The following ADAMTSL1 variants were observed in gnomAD, a reference collection of about 807,000 sequenced individuals.
The protein encoded by ADAMTSL1 is ADAMTS-like protein 1.
ADAMTSL1 carries 126 observed loss-of-function variants against 201.8 expected under a neutral mutation model. That is an observed-to-expected ratio of 0.62 (90% CI 0.54 to 0.72). The LOEUF is 0.72. Among genes scored for constraint, ADAMTSL1 ranks in the 30% least tolerant of loss-of-function variants. ADAMTSL1 has a pLI of 0.00. For missense variants in ADAMTSL1, 2,679 were observed against 2,277.8 expected (o/e 1.18, Z -3.59); for synonymous variants, 1,121 against 903.4 (o/e 1.24, Z -4.32).
At chr9:18,308,843 G>T (rs138628034) in intron 2 of ADAMTSL1, among the ~76,000 whole-genome samples, 2 of 152,032 alleles carry the variant, frequency 1.3e-5, no homozygotes, top group African/African-American at 4.8e-5. Context: ...TTATGAGGCC[G>T]GCATCATCCT....
chr9:18,073,912 C>T (rs1039255905), intron 1 of ADAMTSL1, among the ~76,000 whole-genome samples: 5 of 151,968 alleles, frequency 3.3e-5, no homozygotes, highest in African/African-American at 1.2e-4. Context: ...CTATTTTAGG[C>T]TAATTTGCTA....
At chr9:17,993,836 T>A (rs555251669) in intron 1 of ADAMTSL1, among the ~76,000 whole-genome samples, 3 of 152,266 alleles carry the variant, frequency 2.0e-5, no homozygotes, top group African/African-American at 7.2e-5. Flanking sequence ...TATACATCCA[T>A]CTCTTGTGGG....
At chr9:18,561,599 T>C (rs1286359305) in intron 3 of ADAMTSL1, among the ~76,000 whole-genome samples, 1 of 152,126 alleles carries the variant, frequency 6.6e-6, no homozygotes, top group Non-Finnish European at 1.5e-5. Flanking sequence ...TTTTCTGTCT[T>C]GTTGATCTGT....
rs1826001222 is a variant in ADAMTSL1 at position 18,132,693 on chromosome 9, C to G, written c.88-31169C>G. On this transcript the variant is annotated intron_variant, in intron 1 of 29. Coordinates refer to the ADAMTSL1 transcript ENST00000680146. ...GTATGTTACTTTGAGCTTTATCTTT[C>G]CATTGTACCCTTTTTCCCCCCTTTC... is the stretch of plus-strand genomic sequence containing the variant. Among the ~76,000 whole-genome samples the G allele has an allele frequency of 2.0e-5, 3 of 152,226 alleles. No individual in the cohort carries two copies. The South Asian group carries it at 6.2e-4, about 32-fold the overall frequency.
At position 18,673,359 on chromosome 9, in the gene ADAMTSL1, G is replaced by A. The variant is rs189660885; in HGVS notation, c.1086-2498G>A. ...CAGAGAGAGCTGAGCCTATGTACACGAATATGTATTAGCAGGACTGGACAG... is the reference window on the plus strand; with the variant it reads ...CAGAGAGAGCTGAGCCTATGTACACAAATATGTATTAGCAGGACTGGACAG... On this transcript the variant is annotated intron_variant, in intron 9 of 28. Transcript: ENST00000380548. Among the ~76,000 whole-genome samples the A allele has an allele frequency of 7.2e-4, 109 of 152,334 alleles. 1 individual carries two copies. In the East Asian group the frequency reaches 0.018, roughly 25 times the overall value.
At position 18,193,030 on chromosome 9, in the gene ADAMTSL1, A is replaced by G. The variant is rs150768805; in HGVS notation, c.207+29049A>G. Among the ~76,000 whole-genome samples the G allele has an allele frequency of 1.4e-4, 22 of 152,286 alleles. No individual in the cohort carries two copies. In the East Asian group the frequency reaches 3.9e-3, roughly 27 times the overall value. Reference sequence around the variant, plus strand: ...TCAAAAAAAATGTGCTGAAGACATTAAGAGTGTGATGAGTGACCATGGAGT... The same window carrying G: ...TCAAAAAAAATGTGCTGAAGACATTGAGAGTGTGATGAGTGACCATGGAGT... On this transcript the variant is annotated intron_variant, in intron 2 of 29. Coordinates refer to the ADAMTSL1 transcript ENST00000680146.
At chr9:18,088,986 A>C (rs1823888100) in intron 1 of ADAMTSL1, among the ~76,000 whole-genome samples, 1 of 152,202 alleles carries the variant, frequency 6.6e-6, no homozygotes, top group Non-Finnish European at 1.5e-5. Flanking sequence ...AAACAACCTA[A>C]ATGTCTATCA....
intron 1 of ADAMTSL1, among the ~76,000 whole-genome samples, chr9:18,135,682 C>T (rs1826128425): frequency 6.6e-6 from 1 of 151,946 alleles, no homozygotes; most frequent in African/African-American, 2.4e-5. Flanking sequence ...GTGTGTATAC[C>T]ATATGCATGT....
intron 23 of ADAMTSL1, among the ~76,000 whole-genome samples, chr9:18,881,792 C>G (rs1012550893): frequency 2.0e-5 from 3 of 152,120 alleles, no homozygotes; most frequent in Admixed American, 6.6e-5. Context: ...ATGAAGGCAG[C>G]TTCTCAAAGG....
chr9:18,866,976 C>T (rs1311964759), intron 23 of ADAMTSL1, among the ~76,000 whole-genome samples: 1 of 152,200 alleles, frequency 6.6e-6, no homozygotes, highest in Non-Finnish European at 1.5e-5. Flanking sequence ...AGGAACAAAT[C>T]CTTTTAAAGA....
At chr9:18,280,581 A>G (rs1444156269) in intron 2 of ADAMTSL1, among the ~76,000 whole-genome samples, 1 of 152,134 alleles carries the variant, frequency 6.6e-6, no homozygotes, top group Non-Finnish European at 1.5e-5. Flanking sequence ...TCTTTAATTT[A>G]TCTGAGAAAT....
intron 13 of ADAMTSL1, among the ~76,000 whole-genome samples, chr9:18,688,118 GTA>G (rs71333061): frequency 0.15 from 21,028 of 142,590 alleles, 1,788 homozygotes; most frequent in South Asian, 0.24. Flanking sequence ...ATGTATGTAT[GTA>G]TATATATATA....
chr9:18,575,302 C>T (rs1166669768), intron 4 of ADAMTSL1, among the ~76,000 whole-genome samples: 2 of 152,038 alleles, frequency 1.3e-5, no homozygotes, highest in African/African-American at 4.8e-5. Context: ...GTCAACCTTC[C>T]TAAAGTTTAA....
chr9:18,883,891 T>C (rs1230748966), intron 23 of ADAMTSL1, among the ~76,000 whole-genome samples: 1 of 152,214 alleles, frequency 6.6e-6, no homozygotes, highest in Non-Finnish European at 1.5e-5. Flanking sequence ...TGTACAAATA[T>C]CTTTTAAAGT....
At chr9:18,859,872 GT>G in intron 23 of ADAMTSL1, among the ~76,000 whole-genome samples, 1 of 152,046 alleles carries the variant, frequency 6.6e-6, no homozygotes. Context: ...GGTACAAGTG[GT>G]TTTTTTGTTA....
intron 1 of ADAMTSL1, among the ~76,000 whole-genome samples, chr9:18,012,120 A>C (rs576451084): frequency 7.2e-5 from 11 of 152,158 alleles, no homozygotes; most frequent in African/African-American, 2.6e-4. Context: ...GTGGGGTTAC[A>C]TTCATAAAAA....
chr9:18,182,784 A>G (rs919931056), intron 2 of ADAMTSL1, among the ~76,000 whole-genome samples: 3 of 152,202 alleles, frequency 2.0e-5, no homozygotes, highest in East Asian at 1.9e-4. Flanking sequence ...TCAAGGTTAC[A>G]TGCTTTGTAG....
At chr9:17,920,320 C>T (rs574461021) in intron 1 of ADAMTSL1, among the ~76,000 whole-genome samples, 7 of 152,230 alleles carry the variant, frequency 4.6e-5, no homozygotes, top group South Asian at 2.1e-4. Flanking sequence ...TTGCTTTTTG[C>T]GTACCCACCC....
intron 1 of ADAMTSL1, among the ~76,000 whole-genome samples, chr9:18,104,410 T>C (rs1824665036): frequency 6.6e-6 from 1 of 152,172 alleles, no homozygotes; most frequent in Admixed American, 6.5e-5. Flanking sequence ...TGCTTAGTAC[T>C]AAAGGGACTG....
Sources: gnomAD v4.1 joint callset for allele counts (sites outside exome capture counted in the v4.1 genomes callset) on GRCh38, gnomAD v4.1.1 for gene constraint, MANE v1.5 for transcripts, NCBI Gene and HGNC (gene_info 2026-07-23, HGNC 2026-07-21) for gene names.